Variants in PACRG observed in about 807,000 individuals in gnomAD.
PACRG encodes parkin coregulated, also known as parkin coregulated gene protein.
A neutral mutation model predicts 29.7 loss-of-function variants in PACRG; 29 were observed. The ratio of observed to expected loss-of-function variants is 0.98; its 90% confidence interval spans 0.73 to 1.33. The LOEUF (loss-of-function observed/expected upper bound fraction) is 1.33, where lower values mean the gene tolerates loss of function less well. Among genes scored for constraint, PACRG ranks in the 40% most tolerant of loss-of-function variants. The pLI, the probability that PACRG is intolerant of heterozygous loss-of-function variation, is 0.00. For synonymous variants in PACRG, 116 were observed against 118.7 expected, an observed-to-expected ratio of 0.98 and a Z score of 0.15; for missense variants, 279 against 316.2, an observed-to-expected ratio of 0.88 and a Z score of 0.89.
At position 163,252,293 on chromosome 6, in the gene PACRG, C is replaced by G. The variant is rs563686118; in HGVS notation, c.614-62534C>G. Among the ~76,000 whole-genome samples the G allele has an allele frequency of 2.0e-5, 3 of 152,392 alleles. No individual in the cohort carries two copies. The East Asian group carries it at 5.8e-4, about 29-fold the overall frequency. The stretch of plus-strand genomic sequence containing the variant: ...AGCATCGCTGACGCTCGGCCAGGCG[C>G]CGGCCTTCGTTCCTAGGCTGTCATC... On this transcript the variant is annotated intron_variant, in intron 4 of 4. Transcript: ENST00000366888.
chr6:162,851,351 G>A (rs187576164), intron 2 of PACRG, among the ~76,000 whole-genome samples: 613 of 152,134 alleles, frequency 4.0e-3, no homozygotes, highest in South Asian at 0.012. Context: ...TCCCACACAC[G>A]TTCTCTTCTC....
intron 4 of PACRG, among the ~76,000 whole-genome samples, chr6:163,158,041 T>G (rs1778393864): frequency 6.6e-6 from 1 of 152,180 alleles, no homozygotes; most frequent in African/African-American, 2.4e-5. Context: ...GTGTAGACCC[T>G]TATGGATAAC....
At chr6:163,284,806 GC>G (rs899432137) in intron 4 of PACRG, among the ~76,000 whole-genome samples, 2 of 151,924 alleles carry the variant, frequency 1.3e-5, no homozygotes, top group African/African-American at 4.8e-5. Context: ...CTCCCCTGTT[GC>G]CCCTGCTAAA....
chr6:162,846,013 G>T (rs577662122), intron 2 of PACRG, among the ~76,000 whole-genome samples: 159 of 152,288 alleles, frequency 1.0e-3, no homozygotes, highest in Non-Finnish European at 1.9e-3. Flanking sequence ...GAGGAGGAAG[G>T]GAGCCAGTGA....
intron 2 of PACRG, among the ~76,000 whole-genome samples, chr6:163,047,160 A>C (rs1288324840): frequency 6.6e-6 from 1 of 152,240 alleles, no homozygotes; most frequent in Non-Finnish European, 1.5e-5. Context: ...TGTTTCTAAC[A>C]GTCTCAATTT....
chr6:162,925,100 C>A (rs1797336374), intron 2 of PACRG, among the ~76,000 whole-genome samples: 1 of 152,194 alleles, frequency 6.6e-6, no homozygotes. Context: ...CATACCCTCC[C>A]AAGACTAAAC....
At chr6:163,069,796 A>G (rs1811879193) in intron 3 of PACRG, among the ~76,000 whole-genome samples, 1 of 152,164 alleles carries the variant, frequency 6.6e-6, no homozygotes, top group African/African-American at 2.4e-5. Context: ...AAATATTAAT[A>G]TCTAAGTACA....
chr6:163,009,465 A>G (rs2128208926), intron 2 of PACRG, among the ~76,000 whole-genome samples: 1 of 152,362 alleles, frequency 6.6e-6, no homozygotes, highest in African/African-American at 2.4e-5. Context: ...TTACATTAAC[A>G]TGGTTCATTA....
intron 1 of PACRG, among the ~76,000 whole-genome samples, chr6:162,809,960 C>T (rs948275573): frequency 9.2e-5 from 14 of 152,148 alleles, no homozygotes; most frequent in South Asian, 2.1e-4. Context: ...CACTTAGTGA[C>T]GAAAGAGTTG....
intron 4 of PACRG, among the ~76,000 whole-genome samples, chr6:163,122,789 T>A (rs1816348342): frequency 6.6e-6 from 1 of 152,180 alleles, no homozygotes; most frequent in Admixed American, 6.5e-5. Flanking sequence ...AATTAATGTG[T>A]ACAATTTGGT....
At chr6:163,140,139 A>G (rs958526593) in intron 4 of PACRG, among the ~76,000 whole-genome samples, 1 of 152,216 alleles carries the variant, frequency 6.6e-6, no homozygotes, top group African/African-American at 2.4e-5. Flanking sequence ...CAAGCTGCAT[A>G]TAGACATTTA....
chr6:163,022,244 T>C (rs956070224), intron 2 of PACRG, among the ~76,000 whole-genome samples: 2 of 152,226 alleles, frequency 1.3e-5, no homozygotes, highest in African/African-American at 4.8e-5. Context: ...ATTGGGAGTT[T>C]CATGAGAAAT....
chr6:163,273,127 T>G (rs960329147), intron 4 of PACRG, among the ~76,000 whole-genome samples: 2 of 146,534 alleles, frequency 1.4e-5, no homozygotes, highest in Non-Finnish European at 2.9e-5. Context: ...TCTCCTGACC[T>G]CGTGATCCGC....
intron 2 of PACRG, among the ~76,000 whole-genome samples, chr6:163,001,137 A>G (rs1804553252): frequency 6.6e-6 from 1 of 152,224 alleles, no homozygotes; most frequent in Non-Finnish European, 1.5e-5. Context: ...AGTCCTTTGT[A>G]TGCTGCAGTG....
At chr6:163,042,894 T>A (rs563285034) in intron 2 of PACRG, 6 of 136,606 alleles carry the variant, frequency 4.4e-5, no homozygotes, top group Non-Finnish European at 8.0e-5. Context: ...GTATCTACAG[T>A]CATTGCATAA....
intron 2 of PACRG, among the ~76,000 whole-genome samples, chr6:163,046,217 C>T (rs1022716617): frequency 4.0e-5 from 6 of 151,198 alleles, no homozygotes; most frequent in African/African-American, 1.5e-4. Flanking sequence ...ACTCACCCCT[C>T]CTCATCTCAC....
intron 1 of PACRG, among the ~76,000 whole-genome samples, chr6:162,798,674 G>C (rs1214447360): frequency 2.0e-5 from 3 of 152,198 alleles, no homozygotes; most frequent in Non-Finnish European, 4.4e-5. Flanking sequence ...AAAGGAGGCT[G>C]TGAAGTGGGG....
Position 163,312,329 on chromosome 6 carries a change from C to T in PACRG, c.614-2498C>T, listed in dbSNP as rs985124248. Among the ~76,000 whole-genome samples, 4 of 152,180 alleles carry T rather than the reference C, an allele frequency of 2.6e-5. 1 individual carries two copies. The highest frequency in any genetic ancestry group is 4.1e-4 in the South Asian group (2 of 4,832). Reference sequence around the variant, plus strand: ...AAGCACATTCTCTGCTGCTGACCTCCCCTGTCACGCAGGGTCCTCCCACCA... The same window carrying T: ...AAGCACATTCTCTGCTGCTGACCTCTCCTGTCACGCAGGGTCCTCCCACCA... On this transcript the variant is annotated intron_variant, in intron 4 of 4. Transcript: ENST00000366888.
At chr6:163,050,877 T>C (rs939861722) in intron 2 of PACRG, among the ~76,000 whole-genome samples, 7 of 152,226 alleles carry the variant, frequency 4.6e-5, no homozygotes, top group Non-Finnish European at 7.3e-5. Context: ...ATTTTCCCTC[T>C]GAATATTTAC....
Sources: gnomAD v4.1 joint callset for allele counts (sites outside exome capture counted in the v4.1 genomes callset) on GRCh38, gnomAD v4.1.1 for gene constraint, MANE v1.5 for transcripts, NCBI Gene and HGNC (gene_info 2026-07-23, HGNC 2026-07-21) for gene names.